Variants in PRPF8 observed in about 807,000 individuals in gnomAD.
PRPF8 encodes the protein pre-mRNA processing factor 8.
PRPF8 carries 64 observed loss-of-function variants against 285.9 expected under a neutral mutation model. The observed-to-expected ratio is 0.22, with a 90% CI of 0.18 to 0.28. PRPF8 has a LOEUF of 0.28. Among genes scored for constraint, PRPF8 ranks in the 10% least tolerant of loss-of-function variants. The pLI, the probability that PRPF8 is intolerant of heterozygous loss-of-function variation, is 1.00. For missense variants in PRPF8, 1,426 were observed against 3,026.7 expected (o/e 0.47, Z 12.41); for synonymous variants, 1,325 against 1,118.2 (o/e 1.18, Z -3.69).
At chr17:1,684,633 A>C in intron 1 of PRPF8, 51 bp from the exon 2 acceptor site, 12 of 1,547,998 alleles carry the variant, frequency 7.8e-6, no homozygotes, top group Non-Finnish European at 1.1e-5. Flanking sequence ...CCGGGCCCAC[A>C]AGAAGCGCAG....
In PRPF8 at chr17:1,651,180, TC is replaced by T. The variant is rs776470683; in HGVS notation, c.6780del (p.Met2261CysfsTer32). On this transcript the variant is annotated frameshift_variant, in exon 42 of 43. Coordinates refer to ENST00000304992, the MANE Select transcript of PRPF8 (RefSeq NM_006445.4). LOFTEE classifies it high-confidence loss of function. This position sits in a 1 kb window ranked among gnomAD's most constrained non-coding sequence, Gnocchi z 5.1. ...CCAAGGAAACGGTCCGACAGCAGCA[TC>T]TGCACCCTCTCATAGTGTGAAGGCA... is the stretch of plus-strand genomic sequence containing the variant. ...GYLPSHYERV[Q>X]MLLSDRFLGF... 6.2e-7 allele frequency: 1 copy of T among 1,614,204 alleles called. No individual in the cohort carries two copies.
At chr17:1,671,523 C>G (rs1169481826) in intron 24 of PRPF8, among the ~76,000 whole-genome samples, 1 of 152,092 alleles carries the variant, frequency 6.6e-6, no homozygotes, top group East Asian at 1.9e-4. Flanking sequence ...TGAGACCAGC[C>G]TGGACAAGAG....
chr17:1,677,750 T>G, intron 13 of PRPF8, 56 bp from the exon 14 acceptor site: 1 of 1,610,090 alleles, frequency 6.2e-7, no homozygotes, highest in East Asian at 2.2e-5. Context: ...TAAACAACAA[T>G]AGAAACCTGG....
In PRPF8 at chr17:1,675,349, A is replaced by G. The variant is rs1202899704; in HGVS notation, c.2873-10T>C. On this transcript the variant is annotated splice_polypyrimidine_tract_variant and intron_variant, in intron 19 of 42. Transcript: ENST00000304992. This position sits in a 1 kb window ranked among gnomAD's most constrained non-coding sequence, Gnocchi z 6.0. ...TGCAGGTTATTGATGCCTGAGGAGT[A>G]GCAAGGCAGGTCTCCAGCAGGTTAG... 2 of 1,614,102 alleles carry G rather than the reference A, an allele frequency of 1.2e-6. No individual in the cohort carries two copies. The highest frequency in any genetic ancestry group is 2.7e-5 in the African/African-American group (2 of 75,038).
chr17:1,654,193 G>A (rs932317687), intron 37 of PRPF8, 177 bp from the exon 38 acceptor site: 32 of 903,486 alleles, frequency 3.5e-5, no homozygotes, highest in East Asian at 7.3e-5. Context: ...TCCAAGATTC[G>A]TCAGATCCAA....
chr17:1,667,651 C>CTCCTGCTT (rs1912071412), intron 24 of PRPF8, among the ~76,000 whole-genome samples: 1 of 146,530 alleles, frequency 6.8e-6, no homozygotes, highest in Non-Finnish European at 1.5e-5. Context: ...TCAAGTGGTT[C>CTCCTGCTT]TCCTGCTTCA....
At chr17:1,664,982 C>T (rs1460324020) in intron 24 of PRPF8, among the ~76,000 whole-genome samples, 5 of 151,414 alleles carry the variant, frequency 3.3e-5, no homozygotes, top group Non-Finnish European at 7.4e-5. Context: ...ATGGTAAAAA[C>T]CTGTCTCTAC....
chr17:1,677,474 TG>T, intron 14 of PRPF8, 90 bp downstream of exon 14: 1 of 1,573,746 alleles, frequency 6.4e-7, no homozygotes, highest in South Asian at 1.1e-5. Context: ...GTAGGAAGAG[TG>T]CTCATACAAG....
intron 24 of PRPF8, among the ~76,000 whole-genome samples, chr17:1,669,490 T>C (rs2151122736): frequency 6.6e-6 from 1 of 152,316 alleles, no homozygotes; most frequent in South Asian, 2.1e-4. Context: ...CAAAAACACC[T>C]GCACTGACTT....
chr17:1,681,792 A>G, intron 5 of PRPF8, 28 bp downstream of exon 5: 1 of 1,612,956 alleles, frequency 6.2e-7, no homozygotes, highest in Non-Finnish European at 8.5e-7. Context: ...AACTCCTCCC[A>G]GGTGTAGTAT....
At position 1,676,837 on chromosome 17, in the gene PRPF8, C is replaced by A; in HGVS notation, c.2182-126G>T. ...CTCAGGAGCTTGAGGCCAGCCTAAG[C>A]AACATGGTGCTTCTTTTCCCTGTCT... On this transcript the variant is annotated intron_variant, in intron 15 of 42. Coordinates refer to ENST00000304992, the MANE Select transcript of PRPF8 (RefSeq NM_006445.4). This position sits in a 1 kb window ranked among gnomAD's most constrained non-coding sequence, Gnocchi z 6.3. 1 of 1,467,956 alleles carries A rather than the reference C, an allele frequency of 6.8e-7. No individual in the cohort carries two copies. The highest frequency in any genetic ancestry group is 2.3e-5 in the East Asian group (1 of 44,192). The allele number at this position is 1,467,956 out of a possible 1,614,324, so 90.9% of individuals were successfully genotyped here.
chr17:1,670,392 A>G (rs1185058437), intron 24 of PRPF8, among the ~76,000 whole-genome samples: 4 of 152,234 alleles, frequency 2.6e-5, no homozygotes, highest in African/African-American at 9.6e-5. Context: ...TGAGCATCCC[A>G]GGACCACAAA....
At chr17:1,684,437 T>C (rs1913120696) in intron 2 of PRPF8, 35 bp downstream of exon 2, 14 of 1,610,396 alleles carry the variant, frequency 8.7e-6, no homozygotes, top group Non-Finnish European at 1.2e-5. Flanking sequence ...CCGCCCCGCC[T>C]CCGGCCCGCG....
At chr17:1,668,580 T>C (rs911547039) in intron 24 of PRPF8, among the ~76,000 whole-genome samples, 1 of 151,900 alleles carries the variant, frequency 6.6e-6, no homozygotes, top group African/African-American at 2.4e-5. Flanking sequence ...GCCAGGATGG[T>C]CTCAATCTCC....
intron 37 of PRPF8, chr17:1,654,225 GCACCTTCCCA>G: frequency 8.6e-6 from 6 of 700,276 alleles, no homozygotes; most frequent in Non-Finnish European, 1.5e-5. Context: ...CACTGCGTGT[GCACCTTCCCA>G]CTGTTTAGCA....
chr17:1,684,447 G>C (rs967506653), intron 2 of PRPF8, 25 bp downstream of exon 2: 4 of 1,611,608 alleles, frequency 2.5e-6, no homozygotes, highest in Non-Finnish European at 3.4e-6. Flanking sequence ...TCCGGCCCGC[G>C]CGCCGCTCCA....
At chr17:1,669,256 G>A (rs369410762) in intron 24 of PRPF8, among the ~76,000 whole-genome samples, 3 of 152,046 alleles carry the variant, frequency 2.0e-5, no homozygotes, top group East Asian at 1.9e-4. Flanking sequence ...ACAGGCACCC[G>A]CCACCGCGCC....
In PRPF8 at chr17:1,684,556, G is replaced by A. The variant is rs779716922; in HGVS notation, c.16C>T (p.Pro6Ser). Residue 6 changes from proline to serine, a missense_variant, in exon 2 of 43, where the codon CCT becomes TCT. Coordinates refer to ENST00000304992, the MANE Select transcript of PRPF8 (RefSeq NM_006445.4). MAGVFPYRGPGNPVPG... is the reference protein window; with the variant it reads MAGVFSYRGPGNPVPG... Reference sequence around the variant, plus strand: ...ACCGGGTTACCCGGCCCTCGATAAGGAAACACTCCGGCCATATCCGGAGAA... The same window carrying A: ...ACCGGGTTACCCGGCCCTCGATAAGAAAACACTCCGGCCATATCCGGAGAA... 6.8e-6 allele frequency: 11 copies of A among 1,612,556 alleles called. No homozygotes were observed. Among genetic ancestry groups the A allele is most frequent in the Non-Finnish European group, 8.5e-6 (10 of 1,179,878 alleles).
chr17:1,676,553 G>A lies in PRPF8; in HGVS notation c.2340C>T (p.Thr780=), dbSNP rs759952670. 4.3e-6 allele frequency: 7 copies of A among 1,614,024 alleles called. No homozygotes were observed. In the East Asian group the frequency reaches 8.9e-5, roughly 21 times the overall value. Residue 780 remains threonine (T), a synonymous_variant, in exon 16 of 43, where the codon ACC becomes ACT. Transcript: ENST00000304992. This position sits in a 1 kb window ranked among gnomAD's most constrained non-coding sequence, Gnocchi z 6.3. The stretch of plus-strand genomic sequence containing the variant: ...CCTGTTCTGCCTTCAGATAGAGCCG[G>A]GTGAGGCGGCCCAGATTCTTTTTAC... The part of the protein sequence containing the change: ...TVCKKNLGRL[T]RLYLKAEQER...
Sources: allele counts gnomAD v4.1 joint callset (sites outside exome capture counted in the v4.1 genomes callset), GRCh38; gene constraint gnomAD v4.1.1; non-coding constraint Gnocchi (gnomAD v3.1); transcripts MANE v1.5; gene names NCBI Gene and HGNC (gene_info 2026-07-23, HGNC 2026-07-21).